The following AGO2 variants were observed in gnomAD, a reference collection of about 807,000 sequenced individuals.
The protein encoded by AGO2 is protein argonaute-2.
AGO2 carries 5 observed loss-of-function variants against 102.3 expected under a neutral mutation model. The ratio of observed to expected loss-of-function variants is 0.05; its 90% CI spans 0.03 to 0.10. The LOEUF is 0.10. Ranked by LOEUF, AGO2 falls within the 10% of genes least tolerant of loss-of-function variation. The pLI, the probability that AGO2 is intolerant of heterozygous loss-of-function variation, is 1.00. For missense variants in AGO2, 541 were observed against 1,183.7 expected, an observed-to-expected ratio of 0.46 and a Z score of 7.97; for synonymous variants, 449 against 473.1, an observed-to-expected ratio of 0.95 and a Z score of 0.66.
At chr8:140,559,628 T>G (rs1407303421) in intron 5 of AGO2, 99 bp from the exon 6 acceptor site, 2 of 1,499,764 alleles carry the variant, frequency 1.3e-6, no homozygotes, top group Non-Finnish European at 1.8e-6. Context: ...CCAGCCATGG[T>G]GGGGACACCC....
Position 140,585,305 on chromosome 8 carries a change from G to A in AGO2, c.29C>T (p.Ala10Val), listed in dbSNP as rs1180583657. 5 of 1,613,666 alleles carry A rather than the reference G, an allele frequency of 3.1e-6. No homozygotes were observed. Among genetic ancestry groups the A allele is most frequent in the Non-Finnish European group, 4.2e-6 (5 of 1,179,806 alleles). ...GATGGGGGGCGGCGGCGCAGGAGGT[G>A]CAAGTGCTGGAATGGCAGAGAGAAC... MYSGAGPAL[A>V]PPAPPPPIQG... The change falls in exon 2 of 19, where the codon GCA (alanine) becomes GTA (valine). Residue 10 changes from alanine (A) to valine (V), a missense_variant. Around this residue, in one of 6 missense-constraint regions of AGO2, gnomAD observed 147 missense variants for 204.1 expected, o/e 0.72. Transcript: ENST00000220592.
At chr8:140,608,176 A>C (rs2074029606) in intron 1 of AGO2, among the ~76,000 whole-genome samples, 1 of 152,226 alleles carries the variant, frequency 6.6e-6, no homozygotes, top group East Asian at 1.9e-4. Flanking sequence ...GTTTTCAGAC[A>C]TTAGCATGAG....
At chr8:140,640,468 C>G (rs1403929546), upstream of AGO2, among the ~76,000 whole-genome samples, 1 of 152,046 alleles carries the variant, frequency 6.6e-6, no homozygotes, top group African/African-American at 2.4e-5. Flanking sequence ...GGTGTCTCAC[C>G]TATGAGGTGT....
chr8:140,537,980 G>A (rs187390861), intron 16 of AGO2, among the ~76,000 whole-genome samples: 6 of 152,134 alleles, frequency 3.9e-5, no homozygotes, highest in African/African-American at 1.4e-4. Context: ...CACCACGCCT[G>A]GGTAATTTTA....
In AGO2 at chr8:140,589,691, TG is replaced by T. The variant is rs575784596; in HGVS notation, c.23-4381del. ...ATAGCTCAGGGCTGCTAAACACTTC[TG>T]TGCCATACCCTGGGCCAAGCCAGGT... On this transcript the variant is annotated intron_variant, in intron 1 of 18. Coordinates refer to ENST00000220592, the MANE Select transcript of AGO2 (RefSeq NM_012154.5). The surrounding 1 kb of genome is among the most constrained non-coding windows in gnomAD (Gnocchi z 4.2). Among the ~76,000 whole-genome samples, 668 of 152,322 alleles carry T rather than the reference TG, an allele frequency of 4.4e-3. 7 individuals carry two copies. In the Middle Eastern group the frequency reaches 0.051, roughly 12 times the overall value.
intron 2 of AGO2, among the ~76,000 whole-genome samples, chr8:140,573,876 CTT>C (rs1180398709): frequency 6.6e-6 from 1 of 152,238 alleles, no homozygotes; most frequent in Non-Finnish European, 1.5e-5. Context: ...GTGAGACTGG[CTT>C]GGCCTTCTGT....
intron 1 of AGO2, among the ~76,000 whole-genome samples, chr8:140,617,587 T>C (rs1360008280): frequency 6.6e-6 from 1 of 152,152 alleles, no homozygotes; most frequent in Non-Finnish European, 1.5e-5. Flanking sequence ...ATGAAGAGTT[T>C]TGATGACACC....
chr8:140,576,890 C>A (rs74460756), intron 2 of AGO2, among the ~76,000 whole-genome samples: 5 of 152,138 alleles, frequency 3.3e-5, no homozygotes, highest in Non-Finnish European at 7.4e-5. Context: ...CACCGCTACA[C>A]GCAACACGAC....
chr8:140,581,119 TG>T (rs2073550768), intron 2 of AGO2, among the ~76,000 whole-genome samples: 1 of 152,236 alleles, frequency 6.6e-6, no homozygotes, highest in Non-Finnish European at 1.5e-5. Context: ...CCAGAAAATG[TG>T]GGCCAGGCAC....
intron 1 of AGO2, among the ~76,000 whole-genome samples, chr8:140,603,303 G>A (rs962817132): frequency 2.6e-5 from 4 of 152,244 alleles, no homozygotes; most frequent in South Asian, 2.1e-4. Context: ...ACACCGGGCT[G>A]TGTTTGCGGA....
chr8:140,553,403 TG>T (rs1367419018), intron 10 of AGO2, among the ~76,000 whole-genome samples: 8,878 of 129,432 alleles, frequency 0.069, 364 homozygotes, highest in African/African-American at 0.12. Flanking sequence ...ACAAGTTTTT[TG>T]TTTTTTGTTT....
chr8:140,639,395 C>T (rs901563429), upstream of AGO2, among the ~76,000 whole-genome samples: 4 of 151,410 alleles, frequency 2.6e-5, no homozygotes, highest in African/African-American at 9.7e-5. Context: ...GCAGGAGAAT[C>T]ACTTGAACCT....
At chr8:140,596,698 C>T (rs1374214404) in intron 1 of AGO2, among the ~76,000 whole-genome samples, 1 of 152,240 alleles carries the variant, frequency 6.6e-6, no homozygotes, top group Non-Finnish European at 1.5e-5. Flanking sequence ...CTGCAGTGAG[C>T]CCATTTTCCC....
chr8:140,607,271 T>A (rs1468947707), intron 1 of AGO2, among the ~76,000 whole-genome samples: 2 of 150,364 alleles, frequency 1.3e-5, no homozygotes, highest in African/African-American at 4.9e-5. Flanking sequence ...TTCTATAATT[T>A]AAAAATGAGC....
intron 1 of AGO2, among the ~76,000 whole-genome samples, chr8:140,621,906 T>A (rs977389553): frequency 5.9e-5 from 9 of 151,882 alleles, no homozygotes; most frequent in Non-Finnish European, 7.4e-5. Flanking sequence ...AAACACAGAG[T>A]GACCATCTCA....
At chr8:140,544,872 GGACTTCCCTGGGAGGCA>G (rs2072871255) in intron 13 of AGO2, among the ~76,000 whole-genome samples, 1 of 152,186 alleles carries the variant, frequency 6.6e-6, no homozygotes, top group Admixed American at 6.5e-5. Flanking sequence ...ATCCCAGTGG[GGACTTCCCTGGGAGGCA>G]GCACGCACAG....
intron 11 of AGO2, among the ~76,000 whole-genome samples, chr8:140,549,602 C>T (rs1052515926): frequency 6.6e-6 from 1 of 152,270 alleles, no homozygotes; most frequent in Non-Finnish European, 1.5e-5. Flanking sequence ...CGCTGCCTCG[C>T]GGCTGTGGCG....
rs1180738860 is a variant in AGO2, at chr8:140,589,360, C to T, written c.23-4049G>A. 6.6e-6 allele frequency among the ~76,000 whole-genome samples: 1 copy of T among 152,082 alleles called. No individual in the cohort carries two copies. Among genetic ancestry groups the T allele is most frequent in the Non-Finnish European group, 1.5e-5 (1 of 67,998 alleles). On this transcript the variant is annotated intron_variant, in intron 1 of 18. Transcript: ENST00000220592. This position sits in a 1 kb window ranked among gnomAD's most constrained non-coding sequence, Gnocchi z 4.2. Reference sequence around the variant, plus strand: ...GCCGCTTTGGCTACCGGCGGGTGAACCACAGGCCCGGGTCAGCACCCATAG... The same window carrying T: ...GCCGCTTTGGCTACCGGCGGGTGAATCACAGGCCCGGGTCAGCACCCATAG...
chr8:140,591,110 A>C (rs1312181859), intron 1 of AGO2, among the ~76,000 whole-genome samples: 1 of 152,224 alleles, frequency 6.6e-6, no homozygotes, highest in Non-Finnish European at 1.5e-5. Context: ...GGCAGTCCTC[A>C]CAGCGGGGGC....
Sources: gnomAD v4.1 joint callset for allele counts (sites outside exome capture counted in the v4.1 genomes callset) on GRCh38, gnomAD v4.1.1 for gene constraint, gnomAD v4.1.1 regional missense constraint, Gnocchi (gnomAD v3.1) non-coding constraint, MANE v1.5 for transcripts, NCBI Gene and HGNC (gene_info 2026-07-23, HGNC 2026-07-21) for gene names.